Variants in COL11A1 observed in about 807,000 individuals in gnomAD.
COL11A1 encodes collagen alpha-1(XI) chain.
In COL11A1, 74 loss-of-function variants were observed where a neutral mutation model predicts 265.2. That is an observed-to-expected ratio of 0.28 (90% confidence interval 0.23 to 0.34). COL11A1 has a LOEUF of 0.34. COL11A1 is among the 10% of genes least tolerant of loss of function. The pLI is 1.00. For synonymous variants in COL11A1, 816 were observed against 727.6 expected, an observed-to-expected ratio of 1.12 and a Z score of -1.96; for missense variants, 2,165 against 2,263.6, an observed-to-expected ratio of 0.96 and a Z score of 0.88.
intron 2 of COL11A1, among the ~76,000 whole-genome samples, chr1:103,080,728 A>G (rs911465100): frequency 6.6e-6 from 1 of 151,918 alleles, no homozygotes; most frequent in Non-Finnish European, 1.5e-5. Context: ...GAAAATGTAA[A>G]TTAATACAGC....
At chr1:103,026,664 T>C (rs771881691) in intron 5 of COL11A1, among the ~76,000 whole-genome samples, 2 of 152,168 alleles carry the variant, frequency 1.3e-5, no homozygotes, top group Non-Finnish European at 2.9e-5. Flanking sequence ...CAAATATTCA[T>C]TAATTTTGAT....
chr1:102,938,893 T>G, intron 44 of COL11A1, 142 bp downstream of exon 44: 1 of 683,682 alleles, frequency 1.5e-6, no homozygotes, highest in Non-Finnish European at 2.5e-6. Context: ...AATTATAGAA[T>G]GATATAACTG....
intron 32 of COL11A1, 114 bp from the exon 33 acceptor site, chr1:102,979,218 CA>C: frequency 7.9e-7 from 1 of 1,271,234 alleles, no homozygotes; most frequent in Non-Finnish European, 1.1e-6. Flanking sequence ...CATTCGTATT[CA>C]TTTAGAGACA....
chr1:102,962,623 C>A lies in COL11A1; in HGVS notation c.3024+30G>T, dbSNP rs746561308. 4 of 1,602,038 alleles carry A rather than the reference C, an allele frequency of 2.5e-6. No individual in the cohort carries two copies. In the South Asian group the frequency reaches 4.4e-5, roughly 18 times the overall value. The stretch of plus-strand genomic sequence containing the variant: ...GTTAAACATAAATTAAAGTTTTGGG[C>A]CAAAAAAAGTTTTCTGAAGCATGTT... On this transcript the variant is annotated intron_variant, in intron 39 of 66. Transcript: ENST00000370096.
chr1:102,982,715 G>C (rs1242620493), intron 31 of COL11A1, among the ~76,000 whole-genome samples: 1 of 151,894 alleles, frequency 6.6e-6, no homozygotes, highest in African/African-American at 2.4e-5. Context: ...GTATTTTTGG[G>C]GAAACTCAAT....
At chr1:103,051,572 C>T (rs554486108) in intron 4 of COL11A1, among the ~76,000 whole-genome samples, 2 of 152,304 alleles carry the variant, frequency 1.3e-5, no homozygotes, top group Non-Finnish European at 2.9e-5. Flanking sequence ...GATGCCTCGC[C>T]TTGCTTCGGC....
At chr1:103,072,298 C>T (rs1286690786) in intron 4 of COL11A1, among the ~76,000 whole-genome samples, 1 of 151,962 alleles carries the variant, frequency 6.6e-6, no homozygotes, top group African/African-American at 2.4e-5. Flanking sequence ...TAGTACCATT[C>T]TATTAATGTA....
At chr1:103,040,928 A>G (rs1269642947) in intron 4 of COL11A1, among the ~76,000 whole-genome samples, 1 of 151,712 alleles carries the variant, frequency 6.6e-6, no homozygotes, top group Non-Finnish European at 1.5e-5. Context: ...TTACATTTAG[A>G]GCACATCTCA....
At chr1:103,047,621 G>C (rs1337525601) in intron 4 of COL11A1, among the ~76,000 whole-genome samples, 1 of 152,076 alleles carries the variant, frequency 6.6e-6, no homozygotes, top group Non-Finnish European at 1.5e-5. Context: ...ATTGCCCTAG[G>C]CAGAACTTCC....
At chr1:102,937,538 G>A (rs1658273031) in intron 44 of COL11A1, among the ~76,000 whole-genome samples, 1 of 152,164 alleles carries the variant, frequency 6.6e-6, no homozygotes, top group Admixed American at 6.5e-5. Context: ...GATCCATCAG[G>A]AATAGCTGCA....
At chr1:103,090,229 T>C (rs1409170030) in intron 1 of COL11A1, among the ~76,000 whole-genome samples, 2 of 152,118 alleles carry the variant, frequency 1.3e-5, no homozygotes, top group Admixed American at 6.5e-5. Flanking sequence ...GAGTCACTTA[T>C]TCTCAACCCA....
At chr1:103,034,495 G>T (rs181747446) in intron 4 of COL11A1, among the ~76,000 whole-genome samples, 3 of 151,836 alleles carry the variant, frequency 2.0e-5, no homozygotes, top group East Asian at 1.9e-4. Context: ...ATTTTTCATT[G>T]TATGTTATAC....
intron 15 of COL11A1, among the ~76,000 whole-genome samples, chr1:103,006,845 A>G (rs919487621): frequency 1.2e-4 from 19 of 152,058 alleles, no homozygotes. Context: ...CTTATTAATT[A>G]TATATGTAGA....
intron 37 of COL11A1, among the ~76,000 whole-genome samples, chr1:102,967,227 C>CTTTTTTTATT (rs1661488574): frequency 1.9e-5 from 1 of 52,754 alleles, no homozygotes; most frequent in Non-Finnish European, 3.1e-5. Flanking sequence ...ATAATAAATT[C>CTTTTTTTATT]TTTTTTTTTT....
chr1:103,096,328 G>C (rs1446547234), intron 1 of COL11A1, among the ~76,000 whole-genome samples: 2 of 152,002 alleles, frequency 1.3e-5, no homozygotes, highest in Non-Finnish European at 2.9e-5. Flanking sequence ...TGAAAGTGGA[G>C]CAGATAGGAG....
At chr1:102,903,431 G>A (rs993073817) in intron 54 of COL11A1, among the ~76,000 whole-genome samples, 2 of 151,486 alleles carry the variant, frequency 1.3e-5, no homozygotes, top group Non-Finnish European at 3.0e-5. Context: ...TGCTACTTCC[G>A]CCATAAGATA....
chr1:103,055,434 C>T (rs1670170935), intron 4 of COL11A1, among the ~76,000 whole-genome samples: 5 of 152,082 alleles, frequency 3.3e-5, no homozygotes, highest in Admixed American at 2.6e-4. Context: ...ATTTTAAAAT[C>T]CAGATAGAAA....
At chr1:102,975,563 T>G (rs1419018886) in intron 35 of COL11A1, among the ~76,000 whole-genome samples, 2 of 152,140 alleles carry the variant, frequency 1.3e-5, no homozygotes, top group African/African-American at 4.8e-5. Flanking sequence ...ATTAACTATA[T>G]TATTCATCTC....
intron 4 of COL11A1, among the ~76,000 whole-genome samples, chr1:103,032,960 A>G (rs183794294): frequency 6.6e-6 from 1 of 152,122 alleles, no homozygotes; most frequent in African/African-American, 2.4e-5. Context: ...TTGTCCAACC[A>G]TCACTACTAA....
Sources: allele counts gnomAD v4.1 joint callset (sites outside exome capture counted in the v4.1 genomes callset), GRCh38; gene constraint gnomAD v4.1.1; transcripts MANE v1.5; gene names NCBI Gene and HGNC (gene_info 2026-07-23, HGNC 2026-07-21).